HDX: variants seen among roughly 807,000 people sequenced by gnomAD.
HDX encodes the protein highly divergent homeobox.
HDX carries 19 observed loss-of-function variants against 45.2 expected under a neutral mutation model. The observed-to-expected ratio is 0.42, with a 90% CI of 0.29 to 0.62. The LOEUF is 0.62. Among genes scored for constraint, HDX ranks in the 20% least tolerant of loss-of-function variants. The probability of loss-of-function intolerance (pLI) is 0.20; values close to 1 mark genes in which losing one functional copy is unlikely to be tolerated. For synonymous variants in HDX, 188 were observed against 172.8 expected (o/e 1.09, Z -0.69); for missense variants, 532 against 493.9 (o/e 1.08, Z -0.73).
chrX:84,335,563 C>T (rs1384940898), intron 8 of HDX, among the ~76,000 whole-genome samples: 1 of 111,418 alleles, frequency 9.0e-6, no homozygotes, highest in South Asian at 3.7e-4. Flanking sequence ...ATGAGCATGT[C>T]TTTAAAGGGA....
intron 4 of HDX, among the ~76,000 whole-genome samples, chrX:84,444,943 T>C (rs764737325): frequency 8.9e-6 from 1 of 112,051 alleles, no homozygotes; most frequent in African/African-American, 3.2e-5. Flanking sequence ...TTTGCTGTTT[T>C]ATTTTACACA....
At chrX:84,338,194 G>A (rs765809437) in intron 7 of HDX, among the ~76,000 whole-genome samples, 23 of 110,614 alleles carry the variant, frequency 2.1e-4, no homozygotes, top group Non-Finnish European at 3.8e-4. Flanking sequence ...AAATGTGGTC[G>A]ATCCAGGAAC....
chrX:84,500,482 A>G (rs1441587823), intron 1 of HDX, among the ~76,000 whole-genome samples: 2 of 110,113 alleles, frequency 1.8e-5, no homozygotes, highest in Non-Finnish European at 3.8e-5. Context: ...AACAACAACA[A>G]CAACAACAAT....
intron 5 of HDX, among the ~76,000 whole-genome samples, chrX:84,414,900 T>C (rs1274440137): frequency 8.9e-6 from 1 of 112,259 alleles, no homozygotes; most frequent in Non-Finnish European, 1.9e-5. Context: ...ACAATAAATA[T>C]GCTAGTATTA....
chrX:84,322,020 T>A lies in HDX; in HGVS notation c.1948-6A>T, dbSNP rs772589688. 24 of 1,123,001 alleles carry A rather than the reference T, an allele frequency of 2.1e-5. No homozygotes were observed. The African/African-American group carries it at 3.9e-4, about 18-fold the overall frequency. The allele number at this position is 1,123,001 out of a possible 1,213,427, so 92.5% of individuals were successfully genotyped here. On this transcript the variant is annotated splice_polypyrimidine_tract_variant and splice_region_variant and intron_variant, in intron 10 of 10. Coordinates refer to ENST00000373177, the MANE Select transcript of HDX (RefSeq NM_001177479.2). The stretch of plus-strand genomic sequence containing the variant: ...GGTAAATCTGACAGCAGTGCCTGAA[T>A]AAAAAAAATAATATTTTTGGATTAG...
chrX:84,458,412 CG>C (rs2040162927), intron 4 of HDX, among the ~76,000 whole-genome samples: 1 of 111,624 alleles, frequency 9.0e-6, no homozygotes, highest in Non-Finnish European at 1.9e-5. Flanking sequence ...ACATTAAAAC[CG>C]GTTGTTTGAA....
At chrX:84,390,867 A>G (rs2038424076) in intron 5 of HDX, among the ~76,000 whole-genome samples, 1 of 111,782 alleles carries the variant, frequency 8.9e-6, no homozygotes, top group African/African-American at 3.2e-5. Flanking sequence ...CTTATGGGGT[A>G]CATGTATTTG....
At chrX:84,465,513 C>T (rs990903347) in intron 4 of HDX, among the ~76,000 whole-genome samples, 1 of 112,096 alleles carries the variant, frequency 8.9e-6, no homozygotes, top group African/African-American at 3.3e-5. Context: ...AGTTTATGTC[C>T]TTTGCAGGAG....
chrX:84,455,307 A>G (rs1403125176), intron 4 of HDX, among the ~76,000 whole-genome samples: 1 of 112,017 alleles, frequency 8.9e-6, no homozygotes, highest in Non-Finnish European at 1.9e-5. Flanking sequence ...GAGAAACCTG[A>G]AAGAAATTCA....
At chrX:84,425,927 A>C in intron 5 of HDX, among the ~76,000 whole-genome samples, 1 of 110,152 alleles carries the variant, frequency 9.1e-6, no homozygotes, top group Non-Finnish European at 1.9e-5. Flanking sequence ...TCAATAATAA[A>C]TTAATGGTAA....
At chrX:84,401,056 GAT>G (rs777260161) in intron 5 of HDX, among the ~76,000 whole-genome samples, 2 of 111,760 alleles carry the variant, frequency 1.8e-5, no homozygotes, top group Non-Finnish European at 3.8e-5. Flanking sequence ...ATTAACTCAA[GAT>G]ATATTAAAGA....
At chrX:84,343,133 G>T (rs924121559) in intron 7 of HDX, among the ~76,000 whole-genome samples, 1 of 111,097 alleles carries the variant, frequency 9.0e-6, no homozygotes, top group African/African-American at 3.3e-5. Flanking sequence ...GGGAGTGACT[G>T]CAAATGGGCT....
chrX:84,349,945 A>G (rs1322022884), intron 6 of HDX, among the ~76,000 whole-genome samples: 1 of 109,697 alleles, frequency 9.1e-6, no homozygotes, highest in East Asian at 2.9e-4. Flanking sequence ...TGAGGGTTGA[A>G]AAATCACCTG....
intron 8 of HDX, among the ~76,000 whole-genome samples, chrX:84,334,189 T>C (rs1238081334): frequency 2.7e-5 from 3 of 111,616 alleles, no homozygotes; most frequent in Non-Finnish European, 5.7e-5. Context: ...CGAGTAAACA[T>C]ACAATTGATA....
At chrX:84,418,237 C>A (rs779049266) in intron 5 of HDX, among the ~76,000 whole-genome samples, 6 of 111,828 alleles carry the variant, frequency 5.4e-5, no homozygotes, top group East Asian at 2.8e-4. Context: ...CGAACTAAAT[C>A]TCCAGTAAAT....
At chrX:84,324,938 A>G (rs1320023902) in intron 10 of HDX, among the ~76,000 whole-genome samples, 1 of 111,427 alleles carries the variant, frequency 9.0e-6, no homozygotes, top group East Asian at 2.8e-4. Context: ...TCTGCATTTT[A>G]GGTTTCTAAA....
chrX:84,326,267 C>G lies in HDX; in HGVS notation c.1858G>C (p.Glu620Gln). ...EEVKFIENEL[E>Q]IQKQKYFKLQ... ...TTAAAGTATTTTTGCTTTTGAATCT[C>G]GAGCTCATTTTCAATGAATTTGACT... is the stretch of plus-strand genomic sequence containing the variant. Residue 620 changes from glutamate to glutamine, a missense_variant, in exon 10 of 11, where the codon GAG becomes CAG. Physicochemically the swap from Glu to Gln is conservative, Grantham distance 29 (BLOSUM62 2). This residue lies in a region of HDX where 151 missense variants were observed against 131.8 expected (regional missense o/e 1.15). Transcript: ENST00000373177. 8.4e-7 allele frequency: 1 copy of G among 1,189,522 alleles called. No individual in the cohort carries two copies. Among genetic ancestry groups the G allele is most frequent in the Non-Finnish European group, 1.1e-6 (1 of 876,123 alleles).
intron 5 of HDX, among the ~76,000 whole-genome samples, chrX:84,420,059 A>G (rs2039213733): frequency 8.9e-6 from 1 of 111,828 alleles, no homozygotes; most frequent in African/African-American, 3.3e-5. Flanking sequence ...GAGAGTGAAG[A>G]CTACAATAAA....
At chrX:84,476,550 A>G (rs1211147948) in intron 2 of HDX, among the ~76,000 whole-genome samples, 1 of 106,405 alleles carries the variant, frequency 9.4e-6, no homozygotes, top group African/African-American at 3.4e-5. Context: ...GTCTCAAAAA[A>G]AAAAAAAAAA....
Sources: gnomAD v4.1 joint callset for allele counts (sites outside exome capture counted in the v4.1 genomes callset) on GRCh38, gnomAD v4.1.1 for gene constraint, gnomAD v4.1.1 regional missense constraint, MANE v1.5 for transcripts, NCBI Gene and HGNC (gene_info 2026-07-23, HGNC 2026-07-21) for gene names.